RBM27: variants seen among roughly 807,000 people sequenced by gnomAD.
The protein encoded by RBM27 is RNA-binding protein 27.
RBM27 carries 22 observed loss-of-function variants against 135.3 expected under a neutral mutation model. The observed-to-expected ratio is 0.16, with a 90% CI of 0.12 to 0.23. The LOEUF (loss-of-function observed/expected upper bound fraction) is 0.23. Among genes scored for constraint, RBM27 ranks in the 10% least tolerant of loss-of-function variants. The pLI, the probability that RBM27 is intolerant of heterozygous loss-of-function variation, is 1.00. For missense variants in RBM27, 1,009 were observed against 1,281.0 expected (o/e 0.79, Z 3.24); for synonymous variants, 481 against 442.4 (o/e 1.09, Z -1.10).
At chr5:146,273,780 A>G (rs556126755) in intron 19 of RBM27, among the ~76,000 whole-genome samples, 1 of 152,308 alleles carries the variant, frequency 6.6e-6, no homozygotes, top group South Asian at 2.1e-4. Context: ...CCATATCTAT[A>G]TGAGAAAATG....
At chr5:146,215,153 A>G (rs1360542085) in intron 1 of RBM27, among the ~76,000 whole-genome samples, 1 of 152,030 alleles carries the variant, frequency 6.6e-6, no homozygotes, top group Non-Finnish European at 1.5e-5. Context: ...AGGCTCAAGC[A>G]GTTCTCCTGC....
At chr5:146,240,421 G>C (rs1166942320) in intron 8 of RBM27, among the ~76,000 whole-genome samples, 2 of 151,986 alleles carry the variant, frequency 1.3e-5, no homozygotes, top group African/African-American at 4.8e-5. Flanking sequence ...CTGCCTCCCG[G>C]GTTCAAGTGA....
In RBM27 at chr5:146,237,409, A is replaced by G. The variant is rs1179609649; in HGVS notation, c.1256A>G (p.Asn419Ser). Residue 419 changes from asparagine to serine, a missense_variant, in exon 8 of 21, where the codon AAC (asparagine) becomes AGC (serine). Physicochemically the swap from Asn to Ser is conservative, Grantham distance 46. Transcript: ENST00000265271. ...GTRLPPPLPQ[N>S]LLYTVSERQP... ...AGACTACCTCCTCCTTTACCCCAGAACCTCCTTTACACAGTATCAGAACGT... is the reference window on the plus strand; with the variant it reads ...AGACTACCTCCTCCTTTACCCCAGAGCCTCCTTTACACAGTATCAGAACGT... The G allele has an allele frequency of 5.0e-6, 8 of 1,613,854 alleles. No individual in the cohort carries two copies. The highest frequency in any genetic ancestry group is 1.1e-5 in the South Asian group (1 of 91,068).
intron 5 of RBM27, 138 bp downstream of exon 5, chr5:146,230,048 A>G (rs115361364): frequency 3.0e-6 from 3 of 1,002,454 alleles, no homozygotes; most frequent in East Asian, 2.6e-5. Context: ...AAGAAGCTCA[A>G]TATCCATTTT....
intron 8 of RBM27, among the ~76,000 whole-genome samples, chr5:146,239,467 C>CTTTTTTTTTTTTT (rs368919868): frequency 7.6e-6 from 1 of 130,812 alleles, no homozygotes; most frequent in Non-Finnish European, 1.6e-5. Flanking sequence ...TTTTTTTTTC[C>CTTTTTTTTTTTTT]TTTTCTTTTT....
chr5:146,284,714 A>C lies in RBM27; in HGVS notation c.3081A>C (p.Glu1027Asp). Residue 1027 changes from glutamate (E) to aspartate (D), a missense_variant, in exon 20 of 21, where the codon GAA becomes GAC. Glu to Asp is a conservative substitution (Grantham distance 45). Transcript: ENST00000265271. ...CATCTATATCCACTGAGACTGAAGA[A>C]GAAGAAGTCAAGGAGGAGGTAAATT... is the stretch of plus-strand genomic sequence containing the variant. ...KVPSISTETEEEEVKEEETET... is the reference protein window; with the variant it reads ...KVPSISTETEDEEVKEEETET... 6.2e-7 allele frequency: 1 copy of C among 1,609,758 alleles called. No individual in the cohort carries two copies. Among genetic ancestry groups the C allele is most frequent in the Non-Finnish European group, 8.5e-7 (1 of 1,176,982 alleles).
At position 146,251,865 on chromosome 5, in the gene RBM27, T is replaced by G; in HGVS notation, c.1434T>G (p.Pro478=). ...ATACCTCAGTCTCCAGCCCTACCCCTCTGGTTCCAGGTAAGCTTTGCTACA... is the reference window on the plus strand; with the variant it reads ...ATACCTCAGTCTCCAGCCCTACCCCGCTGGTTCCAGGTAAGCTTTGCTACA... ...GYHTSVSSPT[P]LVPDTYEPDG... The change falls in exon 9 of 21, where the codon CCT becomes CCG. Residue 478 remains proline (P), a synonymous_variant. Coordinates refer to ENST00000265271, the MANE Select transcript of RBM27 (RefSeq NM_018989.2). 6.2e-7 allele frequency: 1 copy of G among 1,613,952 alleles called. No homozygotes were observed. The highest frequency in any genetic ancestry group is 8.5e-7 in the Non-Finnish European group (1 of 1,179,880).
At chr5:146,269,174 T>C (rs376597891) in intron 15 of RBM27, 33 bp from the exon 16 acceptor site, 127 of 1,488,116 alleles carry the variant, frequency 8.5e-5, no homozygotes, top group Admixed American at 3.5e-4. Flanking sequence ...GCAAATTACA[T>C]TATCTGTATT....
In RBM27 at chr5:146,237,407, G is replaced by C; in HGVS notation, c.1254G>C (p.Gln418His). Reference protein sequence around the residue: ...VGTRLPPPLPQNLLYTVSERQ... With the variant: ...VGTRLPPPLPHNLLYTVSERQ... Reference sequence around the variant, plus strand: ...CAAGACTACCTCCTCCTTTACCCCAGAACCTCCTTTACACAGTATCAGAAC... The same window carrying C: ...CAAGACTACCTCCTCCTTTACCCCACAACCTCCTTTACACAGTATCAGAAC... The change falls in exon 8 of 21, where the codon CAG becomes CAC. Residue 418 changes from glutamine (Q) to histidine (H), a missense_variant. Gln to His is a conservative substitution (Grantham distance 24). Around this residue, in one of 6 missense-constraint regions of RBM27, gnomAD observed 329 missense variants for 368.1 expected, o/e 0.89. Coordinates refer to ENST00000265271, the MANE Select transcript of RBM27 (RefSeq NM_018989.2). 1 of 1,613,998 alleles carries C rather than the reference G, an allele frequency of 6.2e-7. No homozygotes were observed. Among genetic ancestry groups the C allele is most frequent in the Non-Finnish European group, 8.5e-7 (1 of 1,179,920 alleles).
At chr5:146,226,482 G>A (rs1048666292) in intron 3 of RBM27, among the ~76,000 whole-genome samples, 2 of 152,008 alleles carry the variant, frequency 1.3e-5, no homozygotes, top group Non-Finnish European at 2.9e-5. Context: ...GGATTCAAGC[G>A]ATTCTCCTGC....
rs775937171 is a variant in RBM27, at chr5:146,258,569, T to A, written c.1715T>A (p.Leu572His). 6.4e-7 allele frequency: 1 copy of A among 1,573,810 alleles called. No individual in the cohort carries two copies. Among genetic ancestry groups the A allele is most frequent in the Middle Eastern group, 1.7e-4 (1 of 5,898 alleles). Residue 572 changes from leucine to histidine, a missense_variant, in exon 11 of 21, where the codon CTC becomes CAC. Transcript: ENST00000265271. The stretch of plus-strand genomic sequence containing the variant: ...GCTATGAGTGGTTTGGAAGGGCCAC[T>A]CACAAAGAAACCTTGGCTGGGAAAG... ...KRAMSGLEGP[L>H]TKKPWLGKQG...
At position 146,217,464 on chromosome 5, in the gene RBM27, G is replaced by GTTTTTTTTTTT. The variant is rs545963169; in HGVS notation, c.60-1504_60-1494dup. Among the ~76,000 whole-genome samples, 16 of 70,768 alleles carry GTTTTTTTTTTT rather than the reference G, an allele frequency of 2.3e-4. 2 individuals are homozygous for GTTTTTTTTTTT. The highest frequency in any genetic ancestry group is 9.7e-4 in the African/African-American group (16 of 16,492). The allele number at this position is 70,768 out of a possible 152,430, so 46.4% of individuals were successfully genotyped here. ...GATTGATACTCTTGAGCTGAAGCCT[G>GTTTTTTTTTTT]TTTTTTTTTTTTTTTTTTTTTTTTT... On this transcript the variant is annotated intron_variant, in intron 1 of 20. Transcript: ENST00000265271.
chr5:146,208,465 T>C (rs1301488947), intron 1 of RBM27, among the ~76,000 whole-genome samples: 1 of 152,196 alleles, frequency 6.6e-6, no homozygotes, highest in East Asian at 1.9e-4. Context: ...CCACCATTTT[T>C]GTTGGCAATG....
chr5:146,252,348 C>T lies in RBM27; in HGVS notation c.1444+473C>T, dbSNP rs543288748. Among the ~76,000 whole-genome samples the T allele has an allele frequency of 3.0e-4, 46 of 152,200 alleles. No individual in the cohort carries two copies. The South Asian group carries it at 3.7e-3, about 12-fold the overall frequency. On this transcript the variant is annotated intron_variant, in intron 9 of 20. Coordinates refer to ENST00000265271, the MANE Select transcript of RBM27 (RefSeq NM_018989.2). ...AAAACTCTTTTCTCCTATTGACATA[C>T]GTATTTTGAAGGATCTGTGGAATGC...
chr5:146,261,475 T>C (rs755616107), intron 12 of RBM27, 35 bp from the exon 13 acceptor site: 2 of 1,560,658 alleles, frequency 1.3e-6, no homozygotes, highest in Non-Finnish European at 1.8e-6. Context: ...CTATTTTCTG[T>C]TTTTGGGAAT....
At position 146,237,007 on chromosome 5, in the gene RBM27, C is replaced by T. The variant is rs1057148378; in HGVS notation, c.1145-291C>T. Among the ~76,000 whole-genome samples, 13 of 142,566 alleles carry T rather than the reference C, an allele frequency of 9.1e-5. No individual in the cohort carries two copies. In the South Asian group the frequency reaches 1.4e-3, roughly 15 times the overall value. 93.5% of individuals were successfully genotyped at this position (142,566 alleles called of 152,430 possible). On this transcript the variant is annotated intron_variant, in intron 7 of 20. Coordinates refer to ENST00000265271, the MANE Select transcript of RBM27 (RefSeq NM_018989.2). ...AGGCTGGAGTGCAATGGTGCGATCT[C>T]GGCTCACCGCAACCTCCGCGTCCCA...
In RBM27 at chr5:146,269,516, C is replaced by A; in HGVS notation, c.2623C>A (p.Gln875Lys). The A allele has an allele frequency of 4.4e-6, 7 of 1,574,836 alleles. No homozygotes were observed. The highest frequency in any genetic ancestry group is 6.0e-6 in the Non-Finnish European group (7 of 1,163,728). Reference sequence around the variant, plus strand: ...GAAAGAGCTTGGAGAGAAGATCTCACAATTAAAAGATGAATTAAAAACATC... The same window carrying A: ...GAAAGAGCTTGGAGAGAAGATCTCAAAATTAAAAGATGAATTAAAAACATC... ...TLKELGEKIS[Q>K]LKDELKTSSA... The change falls in exon 17 of 21, where the codon CAA becomes AAA. Residue 875 changes from glutamine (Q) to lysine (K), a missense_variant. Gln to Lys is a moderately conservative substitution (Grantham distance 53). Coordinates refer to ENST00000265271, the MANE Select transcript of RBM27 (RefSeq NM_018989.2).
At chr5:146,216,557 T>C (rs993520619) in intron 1 of RBM27, among the ~76,000 whole-genome samples, 3 of 152,250 alleles carry the variant, frequency 2.0e-5, no homozygotes, top group African/African-American at 7.2e-5. Context: ...GTTTACAATA[T>C]ATTTATCAAT....
intron 8 of RBM27, among the ~76,000 whole-genome samples, chr5:146,244,932 G>A (rs2126799479): frequency 6.6e-6 from 1 of 151,882 alleles, no homozygotes; most frequent in South Asian, 2.1e-4. Flanking sequence ...GGAGTGTAGT[G>A]GCATGATTCT....
Sources: allele counts gnomAD v4.1 joint callset (sites outside exome capture counted in the v4.1 genomes callset), GRCh38; gene constraint gnomAD v4.1.1; regional missense constraint gnomAD v4.1.1; transcripts MANE v1.5; gene names NCBI Gene and HGNC (gene_info 2026-07-23, HGNC 2026-07-21).